ADAM22: variants seen among roughly 807,000 people sequenced by gnomAD.
ADAM22 encodes ADAM metallopeptidase domain 22.
ADAM22 carries 65 observed loss-of-function variants against 144.6 expected under a neutral mutation model. The ratio of observed to expected loss-of-function variants is 0.45; its 90% CI spans 0.37 to 0.55. ADAM22 has a LOEUF of 0.55. Ranked by LOEUF, ADAM22 falls within the 20% of genes least tolerant of loss-of-function variation. The pLI is 0.00. For missense variants in ADAM22, 974 were observed against 1,184.9 expected, an observed-to-expected ratio of 0.82 and a Z score of 2.61; for synonymous variants, 391 against 412.6, an observed-to-expected ratio of 0.95 and a Z score of 0.63.
intron 3 of ADAM22, among the ~76,000 whole-genome samples, chr7:88,027,174 C>A (rs1382475631): frequency 6.6e-6 from 1 of 152,046 alleles, no homozygotes; most frequent in Non-Finnish European, 1.5e-5. Context: ...TCATCAGGGA[C>A]GTTGGCCTGT....
rs114107211 is a variant in ADAM22 at position 87,965,989 on chromosome 7, G to T, written c.247-12347G>T. ...CCTTTTGATAGTTACATTAGTCTCT[G>T]CAATGAGCTTTTATATACTCTCTTC... On this transcript the variant is annotated intron_variant, in intron 2 of 31. Coordinates refer to ENST00000413139, the MANE Select transcript of ADAM22 (RefSeq NM_001324418.2). Among the ~76,000 whole-genome samples the T allele has an allele frequency of 7.3e-3, 1,105 of 152,222 alleles. 11 individuals carry two copies. Among genetic ancestry groups the T allele is most frequent in the African/African-American group, 0.026 (1,059 of 41,528 alleles).
chr7:88,110,121 A>G (rs377396905), intron 5 of ADAM22, among the ~76,000 whole-genome samples: 3 of 152,218 alleles, frequency 2.0e-5, no homozygotes, highest in East Asian at 1.9e-4. Context: ...ATTTACTTTA[A>G]ATACATTATT....
intron 3 of ADAM22, among the ~76,000 whole-genome samples, chr7:88,069,544 T>TA (rs1411371690): frequency 1.3e-5 from 2 of 152,230 alleles, no homozygotes; most frequent in African/African-American, 4.8e-5. Context: ...TTGCCTTCTT[T>TA]AATCAACCAC....
intron 20 of ADAM22, among the ~76,000 whole-genome samples, chr7:88,152,369 A>G (rs951177239): frequency 6.6e-6 from 1 of 152,174 alleles, no homozygotes; most frequent in Admixed American, 6.5e-5. Context: ...AAGCCTGAAA[A>G]AGATACTGAT....
rs968480520 is a variant in ADAM22 at position 88,197,470 on chromosome 7, C to T, written c.*979C>T. The T allele has an allele frequency of 6.6e-6, 1 of 152,174 alleles. No homozygotes were observed. The highest frequency in any genetic ancestry group is 1.5e-5 in the Non-Finnish European group (1 of 68,058). 9.4% of individuals were successfully genotyped at this position (152,174 alleles called of 1,614,324 possible). A position where few individuals can be genotyped will look rare whatever the true frequency, so the allele number is the denominator to read the frequency against. ...CTCCCTGGAAATCATCTATCCCATCCGTCCATCCCATCTCATCCCAGTGAG... is the reference window on the plus strand; with the variant it reads ...CTCCCTGGAAATCATCTATCCCATCTGTCCATCCCATCTCATCCCAGTGAG... On this transcript the variant is annotated 3_prime_UTR_variant, in exon 32 of 32. Transcript: ENST00000413139.
intron 4 of ADAM22, among the ~76,000 whole-genome samples, chr7:88,080,527 A>G (rs1168823051): frequency 1.3e-5 from 2 of 152,230 alleles, no homozygotes; most frequent in Non-Finnish European, 2.9e-5. Flanking sequence ...AGAGACACAA[A>G]AAGCCCTTCA....
Position 88,081,671 on chromosome 7 carries a change from A to C in ADAM22, c.390+5979A>C, listed in dbSNP as rs1414428338. ...CAGGATACAAAATCAATGTCCAAAA[A>C]TCACAAGCATTCTTATACACCAATA... is the stretch of plus-strand genomic sequence containing the variant. On this transcript the variant is annotated intron_variant, in intron 4 of 31. Coordinates refer to ENST00000413139, the MANE Select transcript of ADAM22 (RefSeq NM_001324418.2). Among the ~76,000 whole-genome samples, 270 of 124,886 alleles carry C rather than the reference A, an allele frequency of 2.2e-3. 1 individual carries two copies. Among genetic ancestry groups the C allele is most frequent in the African/African-American group, 8.1e-3 (255 of 31,386 alleles). 81.9% of individuals were successfully genotyped at this position (124,886 alleles called of 152,430 possible). A position where few individuals can be genotyped will look rare whatever the true frequency, so the allele number is the denominator to read the frequency against.
At chr7:88,081,235 A>G (rs1373016473) in intron 4 of ADAM22, among the ~76,000 whole-genome samples, 1 of 152,210 alleles carries the variant, frequency 6.6e-6, no homozygotes, top group Non-Finnish European at 1.5e-5. Context: ...ACCAAAGACA[A>G]AAACCACATG....
chr7:88,173,103 C>T (rs1844749263), intron 26 of ADAM22, among the ~76,000 whole-genome samples: 1 of 151,994 alleles, frequency 6.6e-6, no homozygotes, highest in Non-Finnish European at 1.5e-5. Flanking sequence ...ATTAGGGATT[C>T]TATCCAGAAT....
Position 87,978,359 on chromosome 7 carries a change from C to T in ADAM22, c.270C>T (p.Ser90=), listed in dbSNP as rs1852411465. 6.2e-7 allele frequency: 1 copy of T among 1,613,388 alleles called. No homozygotes were observed. The highest frequency in any genetic ancestry group is 1.1e-5 in the South Asian group (1 of 90,996). Residue 90 remains serine (S), a synonymous_variant, in exon 3 of 32, where the codon AGC becomes AGT. Coordinates refer to ENST00000413139, the MANE Select transcript of ADAM22 (RefSeq NM_001324418.2). The stretch of plus-strand genomic sequence containing the variant: ...AGTTGACTCATGTTGACCAAGCAAG[C>T]TTCCAGGTTGATGCCTTTGGAACGT... ...GPQLTHVDQA[S]FQVDAFGTSF...
chr7:88,019,459 A>G (rs894569545), intron 3 of ADAM22, among the ~76,000 whole-genome samples: 3 of 152,028 alleles, frequency 2.0e-5, no homozygotes, highest in African/African-American at 4.8e-5. Context: ...TGGGCGACAG[A>G]GTGAAATGCT....
rs543227471 is a variant in ADAM22, at chr7:88,121,413, A to G, written c.608-4176A>G. ...TTGTATTATCTATTGCTGTATAAGA[A>G]ATTACTCTAAAACTTAGTGGCTTTA... is the stretch of plus-strand genomic sequence containing the variant. On this transcript the variant is annotated intron_variant, in intron 7 of 31. Transcript: ENST00000413139. Among the ~76,000 whole-genome samples the G allele has an allele frequency of 2.0e-5, 3 of 152,332 alleles. No individual in the cohort carries two copies. The South Asian group carries it at 6.2e-4, about 32-fold the overall frequency.
intron 1 of ADAM22, 99 bp from the exon 2 acceptor site, chr7:87,934,927 G>A: frequency 6.5e-7 from 1 of 1,536,274 alleles, no homozygotes; most frequent in Non-Finnish European, 9.0e-7. Flanking sequence ...GGGGATTTTC[G>A]TAGGGGAGAC....
chr7:88,026,424 C>G (rs1175447969), intron 3 of ADAM22, among the ~76,000 whole-genome samples: 2 of 152,174 alleles, frequency 1.3e-5, no homozygotes, highest in African/African-American at 4.8e-5. Context: ...GGTGCTAACC[C>G]ATTCATGAGA....
intron 3 of ADAM22, among the ~76,000 whole-genome samples, chr7:88,017,507 T>G (rs1393130863): frequency 2.6e-5 from 4 of 152,220 alleles, no homozygotes; most frequent in Non-Finnish European, 1.5e-5. Context: ...AGTTTTATTA[T>G]CAATTTGCTA....
chr7:88,065,567 C>G lies in ADAM22; in HGVS notation c.324-10059C>G, dbSNP rs182264181. 2.0e-5 allele frequency among the ~76,000 whole-genome samples: 3 copies of G among 151,962 alleles called. No homozygotes were observed. The East Asian group carries it at 5.8e-4, about 29-fold the overall frequency. ...ACTGCTAGCGTCTTCATAATGTATG[C>G]CTGTTGTCTTTTTTCTTGACAATAT... On this transcript the variant is annotated intron_variant, in intron 3 of 31. Coordinates refer to ENST00000413139, the MANE Select transcript of ADAM22 (RefSeq NM_001324418.2).
intron 4 of ADAM22, among the ~76,000 whole-genome samples, chr7:88,082,457 C>G (rs893943961): frequency 2.0e-5 from 3 of 151,986 alleles, no homozygotes; most frequent in African/African-American, 7.2e-5. Context: ...ACACCAAATG[C>G]AATGGCAACA....
intron 3 of ADAM22, among the ~76,000 whole-genome samples, chr7:88,046,514 T>G (rs1034619248): frequency 1.3e-5 from 2 of 152,370 alleles, no homozygotes; most frequent in East Asian, 3.8e-4. Flanking sequence ...GCCCCCATTT[T>G]GTAGGTTTTC....
At chr7:88,148,497 A>G (rs578037148) in intron 17 of ADAM22, among the ~76,000 whole-genome samples, 1 of 152,338 alleles carries the variant, frequency 6.6e-6, no homozygotes, top group South Asian at 2.1e-4. Context: ...ATCTAAATCC[A>G]TGTAAAAATG....
Sources: gnomAD v4.1 joint callset for allele counts (sites outside exome capture counted in the v4.1 genomes callset) on GRCh38, gnomAD v4.1.1 for gene constraint, MANE v1.5 for transcripts, NCBI Gene and HGNC (gene_info 2026-07-23, HGNC 2026-07-21) for gene names.